GLMN: variants seen among roughly 807,000 people sequenced by gnomAD.
GLMN encodes the protein glomulin, FKBP associated protein, also known as glomulin.
A neutral mutation model predicts 87.8 loss-of-function variants in GLMN; 75 were observed. The ratio of observed to expected loss-of-function variants is 0.85; its 90% CI spans 0.71 to 1.04. The LOEUF is 1.04. GLMN is among the 50% of genes least tolerant of loss of function. The probability of loss-of-function intolerance (pLI) is 0.00; values close to 1 mark genes in which losing one functional copy is unlikely to be tolerated. For missense variants in GLMN, 588 were observed against 658.8 expected, an observed-to-expected ratio of 0.89 and a Z score of 1.18; for synonymous variants, 206 against 221.6, an observed-to-expected ratio of 0.93 and a Z score of 0.63.
At chr1:92,324,312 G>C in the GLMN span, 5 of 1,614,054 alleles carry the variant, frequency 3.1e-6, no homozygotes, top group Non-Finnish European at 4.2e-6. Flanking sequence ...TGAGGATCAG[G>C]GAGTTTTACA....
At chr1:92,295,352 C>T (rs1045851439) in intron 3 of GLMN, among the ~76,000 whole-genome samples, 1 of 151,964 alleles carries the variant, frequency 6.6e-6, no homozygotes, top group Non-Finnish European at 1.5e-5. Context: ...TTCAATTACC[C>T]AATCTTTAGG....
chr1:92,348,348 T>A, the GLMN span, among the ~76,000 whole-genome samples: 1 of 152,248 alleles, frequency 6.6e-6, no homozygotes, highest in Non-Finnish European at 1.5e-5. Context: ...CTTCCCCAGT[T>A]AGGGGAAACC....
the GLMN span, among the ~76,000 whole-genome samples, chr1:92,356,710 C>T: frequency 6.7e-6 from 1 of 149,234 alleles, no homozygotes; most frequent in Non-Finnish European, 1.5e-5. Context: ...GCTGGGATTA[C>T]AGGCATGAGC....
chr1:92,323,231 C>A, the GLMN span, among the ~76,000 whole-genome samples: 12 of 151,334 alleles, frequency 7.9e-5, no homozygotes, highest in East Asian at 2.3e-3. Flanking sequence ...AGAACTATAT[C>A]AAAAAATATA....
the GLMN span, among the ~76,000 whole-genome samples, chr1:92,307,647 G>A: frequency 1.3e-5 from 2 of 152,008 alleles, no homozygotes; most frequent in Non-Finnish European, 2.9e-5. Flanking sequence ...TATGAGAAAG[G>A]TTAGAAAGTT....
intron 5 of GLMN, among the ~76,000 whole-genome samples, 163 bp downstream of exon 5, chr1:92,290,035 T>C (rs535348104): frequency 4.6e-5 from 7 of 152,336 alleles, no homozygotes; most frequent in Admixed American, 2.6e-4. Flanking sequence ...ATAATCTTTC[T>C]ATGAGCAGCA....
chr1:92,267,964 A>G lies in GLMN; in HGVS notation c.1047T>C (p.Asn349=), dbSNP rs747349623. ...TTTCTAAGTACTGGTAAAGTAGACT[A>G]TTGTCTTCTATTCTCAATAAACTAT... ...LENSLLRIED[N]SLLYQYLEIK... Residue 349 remains asparagine, a synonymous_variant, in exon 11 of 19, where the codon AAT becomes AAC. Transcript: ENST00000370360. 63 of 1,560,996 alleles carry G rather than the reference A, an allele frequency of 4.0e-5. No individual in the cohort carries two copies. The highest frequency in any genetic ancestry group is 1.1e-4 in the East Asian group (5 of 44,524).
intron 16 of GLMN, among the ~76,000 whole-genome samples, chr1:92,259,694 T>A (rs1411913218): frequency 6.6e-6 from 1 of 151,506 alleles, no homozygotes; most frequent in East Asian, 1.9e-4. Flanking sequence ...TATTTCAGCA[T>A]CACCAGACCA....
chr1:92,301,511 T>C (rs749684168), upstream of GLMN: 22 of 1,594,942 alleles, frequency 1.4e-5, no homozygotes, highest in East Asian at 6.8e-5. Context: ...AGAAAGAAGA[T>C]TGAATTTGAG....
chr1:92,281,871 CAAAG>C (rs1407894298), intron 7 of GLMN, among the ~76,000 whole-genome samples: 4 of 151,102 alleles, frequency 2.6e-5, no homozygotes, highest in Admixed American at 2.0e-4. Flanking sequence ...TCAAAAGAGA[CAAAG>C]AAGGCCACTA....
intron 3 of GLMN, among the ~76,000 whole-genome samples, chr1:92,292,690 T>TG (rs1342674087): frequency 6.8e-6 from 1 of 147,474 alleles, no homozygotes; most frequent in Admixed American, 6.7e-5. Context: ...CCCAAAGTGC[T>TG]GGGATTACAG....
the GLMN span, among the ~76,000 whole-genome samples, chr1:92,362,479 C>G: frequency 6.6e-6 from 1 of 152,112 alleles, no homozygotes; most frequent in African/African-American, 2.4e-5. Flanking sequence ...TTGTGTTGTC[C>G]CACCATTCGC....
chr1:92,266,949 C>G (rs1655707429), intron 11 of GLMN, among the ~76,000 whole-genome samples: 1 of 152,088 alleles, frequency 6.6e-6, no homozygotes, highest in Admixed American at 6.5e-5. Flanking sequence ...GAGTGTCACA[C>G]AGTGTACTTT....
chr1:92,312,747 C>T, the GLMN span, among the ~76,000 whole-genome samples: 1 of 152,150 alleles, frequency 6.6e-6, no homozygotes, highest in Admixed American at 6.6e-5. Flanking sequence ...GGGTTACAAT[C>T]AACTTCTTCC....
At chr1:92,367,831 G>A in the GLMN span, among the ~76,000 whole-genome samples, 7 of 152,164 alleles carry the variant, frequency 4.6e-5, no homozygotes, top group East Asian at 1.9e-4. Flanking sequence ...GTGTTGTTCC[G>A]TGTCATTTTA....
At chr1:92,295,506 A>G (rs1263677250) in intron 3 of GLMN, among the ~76,000 whole-genome samples, 2 of 152,106 alleles carry the variant, frequency 1.3e-5, no homozygotes, top group African/African-American at 4.8e-5. Flanking sequence ...CCTTCAGAAA[A>G]CTTTTCCCTC....
chr1:92,280,505 G>A (rs778907236), intron 7 of GLMN, among the ~76,000 whole-genome samples: 4 of 152,158 alleles, frequency 2.6e-5, no homozygotes, highest in African/African-American at 9.7e-5. Flanking sequence ...CACAAAGATG[G>A]GGAGAAACCA....
chr1:92,299,432 C>T (rs538131140), upstream of GLMN, among the ~76,000 whole-genome samples: 3 of 152,228 alleles, frequency 2.0e-5, no homozygotes, highest in African/African-American at 7.2e-5. Context: ...GGCCTGGGGT[C>T]CCCGGGTTTC....
intron 16 of GLMN, among the ~76,000 whole-genome samples, chr1:92,260,596 C>G (rs1012631192): frequency 2.0e-5 from 3 of 150,244 alleles, no homozygotes; most frequent in Non-Finnish European, 4.4e-5. Context: ...GCCTGGGCGA[C>G]AGAGTGAGAC....
Sources: allele counts gnomAD v4.1 joint callset (sites outside exome capture counted in the v4.1 genomes callset), GRCh38; gene constraint gnomAD v4.1.1; transcripts MANE v1.5; gene names NCBI Gene and HGNC (gene_info 2026-07-23, HGNC 2026-07-21).